Variants in SLC4A7 observed in about 807,000 individuals in gnomAD.
SLC4A7 encodes solute carrier family 4 member 7, also known as sodium bicarbonate cotransporter 3.
A neutral mutation model predicts 137.6 loss-of-function variants in SLC4A7; 51 were observed. The ratio of observed to expected loss-of-function variants is 0.37; its 90% CI spans 0.30 to 0.47. The LOEUF (loss-of-function observed/expected upper bound fraction) is 0.47. Ranked by LOEUF, SLC4A7 falls within the 20% of genes least tolerant of loss-of-function variation. The pLI is 1.00. For missense variants in SLC4A7, 1,247 were observed against 1,525.4 expected (o/e 0.82, Z 3.04); for synonymous variants, 542 against 518.6 (o/e 1.05, Z -0.61).
intron 11 of SLC4A7, among the ~76,000 whole-genome samples, chr3:27,415,940 G>A (rs2054339822): frequency 6.6e-6 from 1 of 152,134 alleles, no homozygotes; most frequent in Non-Finnish European, 1.5e-5. Context: ...TCCTTACGCT[G>A]GATTCATTTA....
intron 20 of SLC4A7, among the ~76,000 whole-genome samples, chr3:27,392,631 A>G (rs895762088): frequency 4.6e-5 from 7 of 152,024 alleles, no homozygotes; most frequent in African/African-American, 1.7e-4. Context: ...TTCGAGACCA[A>G]CCTGGCTAAC....
intron 1 of SLC4A7, 59 bp from the exon 2 acceptor site, chr3:27,452,557 A>G (rs2058145667): frequency 1.8e-6 from 2 of 1,110,430 alleles, no homozygotes; most frequent in Non-Finnish European, 2.6e-6. Flanking sequence ...GACCTATTAT[A>G]TGCATCCTTT....
At position 27,394,614 on chromosome 3, in the gene SLC4A7, T is replaced by C; in HGVS notation, c.3021A>G (p.Glu1007=). 2 of 1,614,208 alleles carry C rather than the reference T, an allele frequency of 1.2e-6. No individual in the cohort carries two copies. The highest frequency in any genetic ancestry group is 1.7e-6 in the Non-Finnish European group (2 of 1,180,030). ...KVESECSAPG[E]QPKFLGIREQ... ...CACGAATTCCCAAAAACTTGGGTTG[T>C]TCCCCTGGAGCAGAACATTCAGATT... The change falls in exon 20 of 26, where the codon GAA becomes GAG. Residue 1007 remains glutamate, a synonymous_variant. Coordinates refer to ENST00000454389, the MANE Select transcript of SLC4A7 (RefSeq NM_001321103.2).
Position 27,420,727 on chromosome 3 carries a change from T to G in SLC4A7, c.1485A>C (p.Arg495=). The G allele has an allele frequency of 6.2e-7, 1 of 1,613,450 alleles. No homozygotes were observed. Among genetic ancestry groups the G allele is most frequent in the Non-Finnish European group, 8.5e-7 (1 of 1,179,488 alleles). The change falls in exon 10 of 26, where the codon CGA becomes CGC. Residue 495 remains arginine (R), a synonymous_variant. Coordinates refer to ENST00000454389, the MANE Select transcript of SLC4A7 (RefSeq NM_001321103.2). ...GKAPQYHEIG[R]SIATLMTDEI... ...CATCTGTCATGAGAGTGGCTATTGA[T>G]CGTCCAATTTCATGGTACTGTGGTG...
chr3:27,430,781 G>A (rs1342233894), intron 7 of SLC4A7, among the ~76,000 whole-genome samples: 1 of 150,162 alleles, frequency 6.7e-6, no homozygotes, highest in Non-Finnish European at 1.5e-5. Context: ...GCAGTGAGCT[G>A]AGATCACACC....
At position 27,395,972 on chromosome 3, in the gene SLC4A7, TTA is replaced by T. The variant is rs1344011893; in HGVS notation, c.2704-859_2704-858del. Among the ~76,000 whole-genome samples, 5 of 152,332 alleles carry T rather than the reference TTA, an allele frequency of 3.3e-5. No homozygotes were observed. In the East Asian group the frequency reaches 7.7e-4, roughly 23 times the overall value. ...GAACTACTAACAAAAATCTGGCACT[TTA>T]TGAGATACTAATACATTTTGACAGT... On this transcript the variant is annotated intron_variant, in intron 18 of 25. Transcript: ENST00000454389.
intron 1 of SLC4A7, among the ~76,000 whole-genome samples, chr3:27,470,944 A>AAAAAT (rs1246406958): frequency 2.6e-5 from 4 of 152,194 alleles, no homozygotes; most frequent in East Asian, 1.9e-4. Flanking sequence ...CCGTCTCACA[A>AAAAAT]AAAATAAAAT....
intron 6 of SLC4A7, among the ~76,000 whole-genome samples, chr3:27,432,353 T>C (rs1345484057): frequency 6.6e-6 from 1 of 152,194 alleles, no homozygotes; most frequent in Non-Finnish European, 1.5e-5. Context: ...AGTATGCTTT[T>C]CATTTCTGAT....
intron 24 of SLC4A7, among the ~76,000 whole-genome samples, chr3:27,381,096 T>A (rs1161256697): frequency 2.6e-5 from 4 of 152,226 alleles, no homozygotes; most frequent in Admixed American, 6.5e-5. Context: ...AGATATAAAA[T>A]TCTGGCAAAT....
At position 27,413,808 on chromosome 3, in the gene SLC4A7, C is replaced by T. The variant is rs556220411; in HGVS notation, c.1660-2060G>A. ...ACAGTGAGAAACAAGTTTAAAAATG[C>T]CTATTTAAAGCCCATGCTACTTAAC... is the stretch of plus-strand genomic sequence containing the variant. On this transcript the variant is annotated intron_variant, in intron 11 of 25. Transcript: ENST00000454389. Among the ~76,000 whole-genome samples, 3 of 152,132 alleles carry T rather than the reference C, an allele frequency of 2.0e-5. No individual in the cohort carries two copies. In the East Asian group the frequency reaches 5.8e-4, roughly 29 times the overall value.
chr3:27,435,836 C>A (rs920832871), intron 5 of SLC4A7, among the ~76,000 whole-genome samples: 12 of 152,110 alleles, frequency 7.9e-5, no homozygotes, highest in Non-Finnish European at 1.2e-4. Flanking sequence ...CAGTGAGAGA[C>A]CCTGTGATCC....
Position 27,436,488 on chromosome 3 carries a change from C to T in SLC4A7, c.489G>A (p.Val163=). Residue 163 remains valine, a synonymous_variant, in exon 5 of 26, where the codon GTG becomes GTA. Transcript: ENST00000454389. ...DGGDRWSKPY[V]ATLSLHSLFE... ...AAAGACTGTGCAAAGAGAGAGTTGCCACATAAGGTTTACTCCATCGGTCAC... is the reference window on the plus strand; with the variant it reads ...AAAGACTGTGCAAAGAGAGAGTTGCTACATAAGGTTTACTCCATCGGTCAC... 6.2e-7 allele frequency: 1 copy of T among 1,613,380 alleles called. No homozygotes were observed. Among genetic ancestry groups the T allele is most frequent in the South Asian group, 1.1e-5 (1 of 91,044 alleles).
At chr3:27,451,389 CAAT>C (rs1310149983) in intron 2 of SLC4A7, among the ~76,000 whole-genome samples, 2 of 152,150 alleles carry the variant, frequency 1.3e-5, no homozygotes, top group Admixed American at 6.5e-5. Flanking sequence ...TTAACATCAT[CAAT>C]AATAAGTCAT....
intron 7 of SLC4A7, among the ~76,000 whole-genome samples, chr3:27,425,108 T>C (rs906213110): frequency 6.6e-6 from 1 of 152,134 alleles, no homozygotes; most frequent in African/African-American, 2.4e-5. Context: ...CAGTGGCTCA[T>C]GCCTGTAATC....
chr3:27,446,915 G>C (rs1423368971), intron 3 of SLC4A7, among the ~76,000 whole-genome samples: 1 of 127,882 alleles, frequency 7.8e-6, no homozygotes, highest in East Asian at 2.3e-4. Flanking sequence ...ACAGAGTCTC[G>C]CTCTGTCACC....
At position 27,413,620 on chromosome 3, in the gene SLC4A7, T is replaced by A. The variant is rs369292659; in HGVS notation, c.1660-1872A>T. ...GATAAATAAAATTAATATAATCATTTGCCAGAGATGCTGAAAAGGCATTTG... is the reference window on the plus strand; with the variant it reads ...GATAAATAAAATTAATATAATCATTAGCCAGAGATGCTGAAAAGGCATTTG... On this transcript the variant is annotated intron_variant, in intron 11 of 25. Transcript: ENST00000454389. Among the ~76,000 whole-genome samples the A allele has an allele frequency of 3.5e-4, 53 of 152,320 alleles. No individual in the cohort carries two copies. The East Asian group carries it at 6.9e-3, about 20-fold the overall frequency.
rs1297254594 is a variant in SLC4A7 at position 27,397,684 on chromosome 3, C to G, written c.2703G>C (p.Glu901Asp). 2 of 1,525,692 alleles carry G rather than the reference C, an allele frequency of 1.3e-6. No individual in the cohort carries two copies. Among genetic ancestry groups the G allele is most frequent in the Non-Finnish European group, 1.8e-6 (2 of 1,102,672 alleles). The allele number at this position is 1,525,692 out of a possible 1,614,324, so 94.5% of individuals were successfully genotyped here. Residue 901 changes from glutamate to aspartate, a missense_variant and splice_region_variant, in exon 18 of 26, where the codon GAG (glutamate) becomes GAC (aspartate). Around this residue, in one of 6 missense-constraint regions of SLC4A7, gnomAD observed 499 missense variants for 664.2 expected, o/e 0.75. Transcript: ENST00000454389. ...AATAGCCACTTGTTTTAATCCTTAC[C>G]TCAAATTTTTCAGGAACATGAAGTT... ...SPKLHVPEKFEPTHPERGWII... is the reference protein window; with the variant it reads ...SPKLHVPEKFDPTHPERGWII...
At chr3:27,475,215 A>G (rs568943300) in intron 1 of SLC4A7, among the ~76,000 whole-genome samples, 1 of 152,070 alleles carries the variant, frequency 6.6e-6, no homozygotes, top group East Asian at 1.9e-4. Flanking sequence ...CATTCTGTAC[A>G]CAAACTCTTC....
rs892669484 is a variant in SLC4A7 at position 27,426,520 on chromosome 3, T to G, written c.1151-2368A>C. Among the ~76,000 whole-genome samples the G allele has an allele frequency of 5.9e-5, 9 of 152,056 alleles. 1 individual carries two copies. The highest frequency in any genetic ancestry group is 1.0e-4 in the Non-Finnish European group (7 of 68,026). On this transcript the variant is annotated intron_variant, in intron 7 of 25. Coordinates refer to ENST00000454389, the MANE Select transcript of SLC4A7 (RefSeq NM_001321103.2). ...AATGTATTCCACCTGTGTATATATATCATCAAAAGCATACATAACGCACAG... is the reference window on the plus strand; with the variant it reads ...AATGTATTCCACCTGTGTATATATAGCATCAAAAGCATACATAACGCACAG...
Sources: gnomAD v4.1 joint callset for allele counts (sites outside exome capture counted in the v4.1 genomes callset) on GRCh38, gnomAD v4.1.1 for gene constraint, gnomAD v4.1.1 regional missense constraint, MANE v1.5 for transcripts, NCBI Gene and HGNC (gene_info 2026-07-23, HGNC 2026-07-21) for gene names.